The following EXPH5 variants were observed in gnomAD, a reference collection of about 807,000 sequenced individuals.
The protein encoded by EXPH5 is exophilin-5.
In EXPH5, 42 loss-of-function variants were observed where a neutral mutation model predicts 41.1. The ratio of observed to expected loss-of-function variants is 1.02; its 90% CI spans 0.80 to 1.32. The LOEUF (loss-of-function observed/expected upper bound fraction) is 1.32. Among genes scored for constraint, EXPH5 ranks in the 40% most tolerant of loss-of-function variants. The probability of loss-of-function intolerance (pLI) is 0.00; values close to 1 mark genes in which losing one functional copy is unlikely to be tolerated. For synonymous variants in EXPH5, 798 were observed against 833.5 expected, an observed-to-expected ratio of 0.96 and a Z score of 0.73; for missense variants, 2,298 against 2,314.5, an observed-to-expected ratio of 0.99 and a Z score of 0.15.
At chr11:108,539,502 T>A (rs1757113405) in intron 2 of EXPH5, among the ~76,000 whole-genome samples, 1 of 152,214 alleles carries the variant, frequency 6.6e-6, no homozygotes, top group Non-Finnish European at 1.5e-5. Context: ...CTCATGTTCC[T>A]TAACCATGCT....
At chr11:108,531,980 A>G (rs1040059251) in intron 3 of EXPH5, among the ~76,000 whole-genome samples, 5 of 151,966 alleles carry the variant, frequency 3.3e-5, no homozygotes, top group Admixed American at 3.3e-4. Flanking sequence ...TTCTGTGTCC[A>G]AGTTTTTGTC....
chr11:108,519,819 A>G (rs925453401), intron 4 of EXPH5, among the ~76,000 whole-genome samples: 47 of 151,696 alleles, frequency 3.1e-4, no homozygotes, highest in African/African-American at 1.0e-3. Context: ...ACATGGTGGC[A>G]GATGTCTGTA....
intron 3 of EXPH5, among the ~76,000 whole-genome samples, chr11:108,535,713 G>T (rs2093875268): frequency 6.6e-6 from 1 of 152,212 alleles, no homozygotes; most frequent in South Asian, 2.1e-4. Context: ...TCTGAGCCGT[G>T]TACGACCTAT....
At chr11:108,570,736 G>A (rs552805371) in intron 1 of EXPH5, among the ~76,000 whole-genome samples, 1 of 152,232 alleles carries the variant, frequency 6.6e-6, no homozygotes, top group East Asian at 1.9e-4. Context: ...GCAGAGATGG[G>A]GGTCTCGCTA....
Position 108,513,783 on chromosome 11 carries a change from G to C in EXPH5, c.1724C>G (p.Pro575Arg), listed in dbSNP as rs772302247. 2 of 1,600,556 alleles carry C rather than the reference G, an allele frequency of 1.2e-6. No individual in the cohort carries two copies. The highest frequency in any genetic ancestry group is 1.7e-6 in the Non-Finnish European group (2 of 1,174,824). Residue 575 changes from proline to arginine, a missense_variant, in exon 6 of 6, where the codon CCT becomes CGT. Coordinates refer to ENST00000265843, the MANE Select transcript of EXPH5 (RefSeq NM_015065.3). The stretch of plus-strand genomic sequence containing the variant: ...GCAAACATTTGGTGTGCCAAAATGA[G>C]GAGTCAACTGGGTCTCATTACCATG... ...VSHGNETQLT[P>R]HFGTPNVCSM...
At chr11:108,541,971 G>A (rs2093915400) in intron 1 of EXPH5, among the ~76,000 whole-genome samples, 159 bp from the exon 2 acceptor site, 1 of 151,970 alleles carries the variant, frequency 6.6e-6, no homozygotes, top group Non-Finnish European at 1.5e-5. Flanking sequence ...TTCACCTCCT[G>A]GGCTCAAGCG....
chr11:108,607,406 C>G, the EXPH5 span, among the ~76,000 whole-genome samples: 1 of 152,110 alleles, frequency 6.6e-6, no homozygotes, highest in Admixed American at 6.5e-5. Context: ...AAAATATCCT[C>G]CAAAAAATAT....
chr11:108,556,282 T>G (rs1007608864), intron 1 of EXPH5, among the ~76,000 whole-genome samples: 2 of 151,914 alleles, frequency 1.3e-5, no homozygotes, highest in Admixed American at 1.3e-4. Flanking sequence ...GTTGTGAATC[T>G]GCTGTCTTTT....
At chr11:108,592,925 T>G (rs1470016854) in intron 1 of EXPH5, among the ~76,000 whole-genome samples, 2 of 152,166 alleles carry the variant, frequency 1.3e-5, no homozygotes, top group Admixed American at 1.3e-4. Context: ...CCGCATTGGG[T>G]GGGGAGATTC....
chr11:108,541,966 C>T (rs1162782714), intron 1 of EXPH5, among the ~76,000 whole-genome samples, 154 bp from the exon 2 acceptor site: 1 of 152,088 alleles, frequency 6.6e-6, no homozygotes, highest in Non-Finnish European at 1.5e-5. Context: ...CAACCTTCAC[C>T]TCCTGGGCTC....
intron 2 of EXPH5, among the ~76,000 whole-genome samples, chr11:108,540,602 C>T (rs1240067847): frequency 2.0e-5 from 3 of 152,168 alleles, no homozygotes; most frequent in East Asian, 1.9e-4. Context: ...TGTGACTCCG[C>T]GTCAGTAAAA....
chr11:108,507,520 T>C lies in EXPH5; in HGVS notation c.*2017A>G, dbSNP rs1407881640. The C allele has an allele frequency of 6.6e-6, 1 of 152,212 alleles. No homozygotes were observed. The highest frequency in any genetic ancestry group is 2.4e-5 in the African/African-American group (1 of 41,464). 9.4% of individuals were successfully genotyped at this position (152,212 alleles called of 1,614,324 possible). On this transcript the variant is annotated 3_prime_UTR_variant, in exon 6 of 6. Coordinates refer to ENST00000265843, the MANE Select transcript of EXPH5 (RefSeq NM_015065.3). ...TTGAGATCCAGGAATCCATGCTGTC[T>C]GTAGTTAAAGCAGATTATCTTCACT...
intron 1 of EXPH5, among the ~76,000 whole-genome samples, chr11:108,586,313 A>G (rs1416993132): frequency 6.6e-6 from 1 of 152,144 alleles, no homozygotes; most frequent in East Asian, 1.9e-4. Context: ...TAAAGAAGCC[A>G]TTCTCAAAAG....
chr11:108,597,452 A>G (rs563625932), upstream of EXPH5, among the ~76,000 whole-genome samples: 40 of 152,336 alleles, frequency 2.6e-4, 1 homozygote, highest in South Asian at 3.7e-3. Flanking sequence ...ATATTAACAT[A>G]GTTTGCTTTA....
chr11:108,525,626 A>G (rs759425331), intron 4 of EXPH5, among the ~76,000 whole-genome samples: 4 of 152,302 alleles, frequency 2.6e-5, no homozygotes, highest in East Asian at 3.9e-4. Context: ...ATCTAATAAT[A>G]TAGTACAACT....
At chr11:108,556,007 A>C (rs909630016) in intron 1 of EXPH5, among the ~76,000 whole-genome samples, 8 of 152,214 alleles carry the variant, frequency 5.3e-5, no homozygotes, top group Non-Finnish European at 1.2e-4. Flanking sequence ...ATACAGGAGC[A>C]AGAGCGATGG....
At chr11:108,583,258 T>G (rs1468603416) in intron 1 of EXPH5, among the ~76,000 whole-genome samples, 1 of 151,808 alleles carries the variant, frequency 6.6e-6, no homozygotes, top group Non-Finnish European at 1.5e-5. Flanking sequence ...GGCGGGCTCC[T>G]GTAGTCCCAA....
At chr11:108,603,821 C>T in the EXPH5 span, among the ~76,000 whole-genome samples, 103 of 152,190 alleles carry the variant, frequency 6.8e-4, 3 homozygotes, top group Non-Finnish European at 1.3e-4. Flanking sequence ...AGAGCAGTTC[C>T]TAATAACTAC....
In EXPH5 at chr11:108,514,434, C is replaced by G; in HGVS notation, c.1073G>C (p.Arg358Thr). Residue 358 changes from arginine to threonine, a missense_variant, in exon 6 of 6, where the codon AGG (arginine) becomes ACG (threonine). Physicochemically the swap from Arg to Thr is moderately conservative, Grantham distance 71. Coordinates refer to ENST00000265843, the MANE Select transcript of EXPH5 (RefSeq NM_015065.3). The stretch of plus-strand genomic sequence containing the variant: ...AGTTCTCTTTGGACTCTGCTGGTGC[C>G]TTGGTGGTATAAACCCACTCTTGCT... ...TQSKSGFIPP[R>T]HQQSPKRTPL... 6.2e-7 allele frequency: 1 copy of G among 1,614,076 alleles called. No homozygotes were observed. The highest frequency in any genetic ancestry group is 1.6e-4 in the Middle Eastern group (1 of 6,062).
Sources: allele counts gnomAD v4.1 joint callset (sites outside exome capture counted in the v4.1 genomes callset), GRCh38; gene constraint gnomAD v4.1.1; transcripts MANE v1.5; gene names NCBI Gene and HGNC (gene_info 2026-07-23, HGNC 2026-07-21).